The following B4GALT5 variants were observed in gnomAD, a reference collection of about 807,000 sequenced individuals.
B4GALT5 encodes beta-1,4-galactosyltransferase 5.
In B4GALT5, 11 loss-of-function variants were observed where a neutral mutation model predicts 45.0. The ratio of observed to expected loss-of-function variants is 0.24; its 90% CI spans 0.15 to 0.40. B4GALT5 has a LOEUF of 0.40. Ranked by LOEUF, B4GALT5 falls within the 10% of genes least tolerant of loss-of-function variation. B4GALT5 has a pLI of 1.00. For missense variants in B4GALT5, 337 were observed against 500.2 expected, an observed-to-expected ratio of 0.67 and a Z score of 3.11; for synonymous variants, 185 against 182.9, an observed-to-expected ratio of 1.01 and a Z score of -0.09.
chr20:49,633,713 G>C lies in B4GALT5; in HGVS notation c.*2599C>G, dbSNP rs1400827188. On this transcript the variant is annotated 3_prime_UTR_variant, in exon 9 of 9. Coordinates refer to ENST00000371711, the MANE Select transcript of B4GALT5 (RefSeq NM_004776.4). The stretch of plus-strand genomic sequence containing the variant: ...AGCCTTTTGCCAACAGTGTGTACTT[G>C]ATGGTAATTATGGCAACATAGAGCT... 3 of 152,394 alleles carry C rather than the reference G, an allele frequency of 2.0e-5. No individual in the cohort carries two copies. In the East Asian group the frequency reaches 5.8e-4, roughly 29 times the overall value. The allele number at this position is 152,394 out of a possible 1,614,324, so 9.4% of individuals were successfully genotyped here.
At chr20:49,693,908 A>C (rs2085826782) in intron 1 of B4GALT5, among the ~76,000 whole-genome samples, 1 of 152,208 alleles carries the variant, frequency 6.6e-6, no homozygotes, top group South Asian at 2.1e-4. Flanking sequence ...GCCTACCCAC[A>C]AACAGTTAAT....
intron 7 of B4GALT5, 89 bp downstream of exon 7, chr20:49,639,589 C>G: frequency 6.6e-7 from 1 of 1,521,636 alleles, no homozygotes. Flanking sequence ...AAATTACACA[C>G]ATGGCTTGCA....
intron 1 of B4GALT5, among the ~76,000 whole-genome samples, chr20:49,687,790 A>G (rs2085792841): frequency 6.6e-6 from 1 of 152,218 alleles, no homozygotes; most frequent in Non-Finnish European, 1.5e-5. Context: ...CAAGATTTGC[A>G]TAAAGTAGCC....
chr20:49,662,826 T>C (rs2085670672), intron 1 of B4GALT5, among the ~76,000 whole-genome samples: 2 of 152,126 alleles, frequency 1.3e-5, no homozygotes, highest in Admixed American at 6.6e-5. Context: ...ATATTTGTAG[T>C]AGAAAAACAC....
intron 1 of B4GALT5, among the ~76,000 whole-genome samples, chr20:49,688,660 C>T (rs923404217): frequency 5.9e-5 from 9 of 152,206 alleles, no homozygotes; most frequent in East Asian, 1.9e-4. Flanking sequence ...GTGTCAAGGC[C>T]GGGTGCAGTG....
At chr20:49,702,255 C>T (rs890682883) in intron 1 of B4GALT5, among the ~76,000 whole-genome samples, 2 of 151,854 alleles carry the variant, frequency 1.3e-5, no homozygotes, top group East Asian at 1.9e-4. Flanking sequence ...CACGTTAGAG[C>T]AAGAGAAACA....
At chr20:49,656,071 C>G (rs1275969134) in intron 2 of B4GALT5, among the ~76,000 whole-genome samples, 1 of 152,186 alleles carries the variant, frequency 6.6e-6, no homozygotes, top group South Asian at 2.1e-4. Flanking sequence ...GTTTGGTTCA[C>G]AGGGGCAGAT....
At chr20:49,674,081 C>CAAAAAAA (rs34718276) in intron 1 of B4GALT5, among the ~76,000 whole-genome samples, 5 of 94,528 alleles carry the variant, frequency 5.3e-5, no homozygotes, top group South Asian at 4.1e-4. Flanking sequence ...ATTAAAAATA[C>CAAAAAAA]AAAAAAAAAA....
chr20:49,680,738 G>A (rs369387235), intron 1 of B4GALT5, among the ~76,000 whole-genome samples: 55 of 152,084 alleles, frequency 3.6e-4, no homozygotes, highest in African/African-American at 1.2e-3. Flanking sequence ...GTAATATTGA[G>A]AATGTACTTA....
intron 1 of B4GALT5, among the ~76,000 whole-genome samples, chr20:49,703,459 A>G (rs1442712920): frequency 6.6e-6 from 1 of 152,188 alleles, no homozygotes; most frequent in Non-Finnish European, 1.5e-5. Flanking sequence ...AAGTACATAC[A>G]ACGTGCTGGG....
intron 2 of B4GALT5, among the ~76,000 whole-genome samples, chr20:49,654,134 C>T (rs1355558944): frequency 6.6e-6 from 1 of 152,172 alleles, no homozygotes; most frequent in Non-Finnish European, 1.5e-5. Flanking sequence ...CAGTGCTATA[C>T]AGGGGAGAGC....
chr20:49,669,331 T>C (rs1163901438), intron 1 of B4GALT5, among the ~76,000 whole-genome samples: 1 of 152,212 alleles, frequency 6.6e-6, no homozygotes, highest in Non-Finnish European at 1.5e-5. Flanking sequence ...TGTAAGCTCC[T>C]TAAGAGTACA....
intron 2 of B4GALT5, among the ~76,000 whole-genome samples, chr20:49,650,947 T>C (rs1302181396): frequency 1.3e-5 from 2 of 152,170 alleles, no homozygotes; most frequent in Non-Finnish European, 2.9e-5. Context: ...CTAATCTATT[T>C]CAAACCTGGA....
chr20:49,676,933 A>C (rs2085739917), intron 1 of B4GALT5, among the ~76,000 whole-genome samples: 1 of 152,250 alleles, frequency 6.6e-6, no homozygotes, highest in Non-Finnish European at 1.5e-5. Flanking sequence ...TATTCCACCT[A>C]TGTAATCATT....
intron 1 of B4GALT5, among the ~76,000 whole-genome samples, chr20:49,677,478 A>C (rs1174774335): frequency 6.6e-6 from 1 of 152,184 alleles, no homozygotes; most frequent in Non-Finnish European, 1.5e-5. Context: ...CCATTCTCTG[A>C]GCAGAAATGC....
chr20:49,671,678 A>G (rs979777123), intron 1 of B4GALT5, among the ~76,000 whole-genome samples: 3 of 152,182 alleles, frequency 2.0e-5, no homozygotes, highest in African/African-American at 7.2e-5. Context: ...ACCCTGTAAG[A>G]TAAGGAGGTT....
intron 1 of B4GALT5, among the ~76,000 whole-genome samples, chr20:49,663,538 C>T (rs1483352111): frequency 4.7e-5 from 7 of 149,890 alleles, no homozygotes; most frequent in African/African-American, 1.2e-4. Flanking sequence ...TGGACATTTA[C>T]GTATTAAAAA....
chr20:49,708,635 A>G (rs1394539531), intron 1 of B4GALT5, among the ~76,000 whole-genome samples: 1 of 152,200 alleles, frequency 6.6e-6, no homozygotes, highest in African/African-American at 2.4e-5. Context: ...GTTTAAATGT[A>G]GAACAGAATT....
chr20:49,709,093 C>T (rs892803803), intron 1 of B4GALT5, among the ~76,000 whole-genome samples: 2 of 152,116 alleles, frequency 1.3e-5, no homozygotes, highest in African/African-American at 2.4e-5. Flanking sequence ...GATTTTAAAT[C>T]AGCACCTCAT....
Sources: gnomAD v4.1 joint callset for allele counts (sites outside exome capture counted in the v4.1 genomes callset) on GRCh38, gnomAD v4.1.1 for gene constraint, MANE v1.5 for transcripts, NCBI Gene and HGNC (gene_info 2026-07-23, HGNC 2026-07-21) for gene names.